The following WDFY1 variants were observed in gnomAD, a reference collection of about 807,000 sequenced individuals.
WDFY1 encodes the protein WD repeat and FYVE domain containing 1.
Under a neutral mutation model 56.4 loss-of-function variants are expected in WDFY1, and 32 were observed. The observed-to-expected ratio is 0.57, with a 90% CI of 0.43 to 0.76. The LOEUF (loss-of-function observed/expected upper bound fraction) is 0.76, where lower values mean the gene tolerates loss of function less well. Among genes scored for constraint, WDFY1 ranks in the 30% least tolerant of loss-of-function variants. The pLI, the probability that WDFY1 is intolerant of heterozygous loss-of-function variation, is 0.00. For synonymous variants in WDFY1, 192 were observed against 197.3 expected, an observed-to-expected ratio of 0.97 and a Z score of 0.23; for missense variants, 480 against 545.7, an observed-to-expected ratio of 0.88 and a Z score of 1.20.
chr2:223,911,988 G>T (rs1233789107), intron 3 of WDFY1, among the ~76,000 whole-genome samples: 1 of 151,604 alleles, frequency 6.6e-6, no homozygotes, highest in South Asian at 2.1e-4. Context: ...TAATTTTTTT[G>T]ATTTTTCGTT....
chr2:223,881,927 T>TA lies in WDFY1; in HGVS notation c.1064+14dup, dbSNP rs1693079964. 6.2e-7 allele frequency: 1 copy of TA among 1,612,458 alleles called. No homozygotes were observed. Among genetic ancestry groups the TA allele is most frequent in the African/African-American group, 1.3e-5 (1 of 74,960 alleles). On this transcript the variant is annotated intron_variant, in intron 10 of 11. Coordinates refer to ENST00000233055, the MANE Select transcript of WDFY1 (RefSeq NM_020830.5). ...GTAATAAGAGGCAATGAGACAAAAA[T>TA]ATGCAAACACTCACTCTTCATCTTT...
intron 1 of WDFY1, among the ~76,000 whole-genome samples, chr2:223,943,825 T>C (rs931136249): frequency 1.3e-5 from 2 of 152,210 alleles, no homozygotes; most frequent in Non-Finnish European, 2.9e-5. Flanking sequence ...CCAGTATCTC[T>C]GTAACTTAGC....
intron 10 of WDFY1, among the ~76,000 whole-genome samples, chr2:223,881,176 G>T (rs1165590358): frequency 1.3e-5 from 2 of 152,248 alleles, no homozygotes; most frequent in African/African-American, 4.8e-5. Context: ...AGAATAGACT[G>T]CTAGGCCAGA....
At chr2:223,896,183 ACT>A (rs1693373134) in intron 6 of WDFY1, among the ~76,000 whole-genome samples, 6 of 137,408 alleles carry the variant, frequency 4.4e-5, no homozygotes, top group Non-Finnish European at 6.4e-5. Flanking sequence ...AAAAAAAAAA[ACT>A]GCTTGTAATA....
intron 4 of WDFY1, among the ~76,000 whole-genome samples, chr2:223,905,723 A>C (rs994407195): frequency 2.0e-5 from 3 of 152,262 alleles, no homozygotes; most frequent in African/African-American, 7.2e-5. Flanking sequence ...CAATAATAAA[A>C]GAATGGTTAA....
At chr2:223,926,625 G>A (rs1347502979) in intron 1 of WDFY1, among the ~76,000 whole-genome samples, 1 of 150,704 alleles carries the variant, frequency 6.6e-6, no homozygotes, top group East Asian at 1.9e-4. Flanking sequence ...ATATGTGTGT[G>A]TATTTCATAT....
intron 4 of WDFY1, 74 bp from the exon 5 acceptor site, chr2:223,901,407 T>C: frequency 6.4e-7 from 1 of 1,550,796 alleles, no homozygotes; most frequent in Non-Finnish European, 8.8e-7. Context: ...AGGCTCAACC[T>C]CTCAATCTGC....
At chr2:223,915,645 T>C (rs527436957) in intron 2 of WDFY1, among the ~76,000 whole-genome samples, 1 of 152,304 alleles carries the variant, frequency 6.6e-6, no homozygotes, top group East Asian at 1.9e-4. Context: ...GCCATAGTAT[T>C]AACAAAATTT....
intron 7 of WDFY1, among the ~76,000 whole-genome samples, chr2:223,894,763 CACACAG>C (rs1693334556): frequency 6.6e-6 from 1 of 152,158 alleles, no homozygotes; most frequent in Non-Finnish European, 1.5e-5. Context: ...CACACAAACA[CACACAG>C]ACACACACAG....
At chr2:223,891,743 G>A (rs1477143813) in intron 8 of WDFY1, among the ~76,000 whole-genome samples, 3 of 152,030 alleles carry the variant, frequency 2.0e-5, no homozygotes, top group Non-Finnish European at 4.4e-5. Flanking sequence ...TGAAACCCTC[G>A]GGAAAGCCAC....
At chr2:223,883,308 A>G (rs1693107424) in intron 9 of WDFY1, among the ~76,000 whole-genome samples, 1 of 152,278 alleles carries the variant, frequency 6.6e-6, no homozygotes, top group Non-Finnish European at 1.5e-5. Context: ...ACATTACAAA[A>G]TAGTCCAATT....
chr2:223,894,162 G>A lies in WDFY1; in HGVS notation c.831+72C>T. The A allele has an allele frequency of 3.3e-6, 5 of 1,502,086 alleles. No homozygotes were observed. In the South Asian group the frequency reaches 4.6e-5, roughly 14 times the overall value. 93.0% of individuals were successfully genotyped at this position (1,502,086 alleles called of 1,614,324 possible). ...TGGACCAGCATTTACAGCTTGCGGG[G>A]TGAAAAGCCAAGAAGAAGCCAGGTT... On this transcript the variant is annotated intron_variant, in intron 8 of 11. Transcript: ENST00000233055.
chr2:223,901,475 A>G (rs377062991), intron 4 of WDFY1, 142 bp from the exon 5 acceptor site: 10 of 1,026,850 alleles, frequency 9.7e-6, no homozygotes, highest in Non-Finnish European at 1.4e-5. Context: ...CTCTGTGAGT[A>G]TATTTCAGAC....
rs1306308892 is a variant in WDFY1, at chr2:223,876,509, T to A, written c.*2162A>T. ...GATAGGCCTGGTGGAGAGCAAGCTA[T>A]ATGGAAACATCAGCCTTTCCTTTTC... On this transcript the variant is annotated 3_prime_UTR_variant, in exon 12 of 12. Transcript: ENST00000233055. The A allele has an allele frequency of 6.6e-6, 1 of 152,522 alleles. No individual in the cohort carries two copies. The highest frequency in any genetic ancestry group is 1.5e-5 in the Non-Finnish European group (1 of 68,018). 9.4% of individuals were successfully genotyped at this position (152,522 alleles called of 1,614,324 possible).
chr2:223,896,152 T>A (rs188393811), intron 6 of WDFY1, among the ~76,000 whole-genome samples: 838 of 16,560 alleles, frequency 0.051, 20 homozygotes, highest in African/African-American at 0.2. Context: ...TGAGACTCTG[T>A]CTCAAAAAAA....
intron 1 of WDFY1, among the ~76,000 whole-genome samples, chr2:223,931,887 T>C (rs764766364): frequency 5.5e-4 from 84 of 152,218 alleles, no homozygotes; most frequent in Non-Finnish European, 1.0e-3. Context: ...GGTTTCGCCA[T>C]GTTGGCCAGG....
intron 1 of WDFY1, among the ~76,000 whole-genome samples, 166 bp downstream of exon 1, chr2:223,944,982 C>A (rs564024474): frequency 6.6e-6 from 1 of 152,006 alleles, no homozygotes; most frequent in East Asian, 1.9e-4. Flanking sequence ...GGAGGACCGG[C>A]GGGAGGGAAC....
At chr2:223,894,480 T>C in intron 7 of WDFY1, 141 bp from the exon 8 acceptor site, 1 of 752,318 alleles carries the variant, frequency 1.3e-6, no homozygotes, top group Non-Finnish European at 2.2e-6. Flanking sequence ...TAAAATGAAT[T>C]CTAGTATAAA....
At chr2:223,920,432 T>C (rs1693869411) in intron 1 of WDFY1, among the ~76,000 whole-genome samples, 1 of 152,220 alleles carries the variant, frequency 6.6e-6, no homozygotes, top group Admixed American at 6.5e-5. Context: ...GAAATATTAA[T>C]AACATGTGCA....
Sources: allele counts gnomAD v4.1 joint callset (sites outside exome capture counted in the v4.1 genomes callset), GRCh38; gene constraint gnomAD v4.1.1; transcripts MANE v1.5; gene names NCBI Gene and HGNC (gene_info 2026-07-23, HGNC 2026-07-21).